SMIM7: variants seen among roughly 807,000 people sequenced by gnomAD.
SMIM7 encodes small integral membrane protein 7, also known as UPF0608 protein C19orf42.
A neutral mutation model predicts 13.3 loss-of-function variants in SMIM7; 12 were observed. The observed-to-expected ratio is 0.90, with a 90% CI of 0.58 to 1.46. The LOEUF is 1.46. Ranked by LOEUF, SMIM7 falls within the 40% of genes most tolerant of loss-of-function variation. The probability of loss-of-function intolerance (pLI) is 0.00; values close to 1 mark genes in which losing one functional copy is unlikely to be tolerated. For missense variants in SMIM7, 114 were observed against 94.8 expected (o/e 1.20, Z -0.84); for synonymous variants, 36 against 35.8 (o/e 1.01, Z -0.02).
intron 4 of SMIM7, among the ~76,000 whole-genome samples, chr19:16,633,588 C>T (rs1328570075): frequency 6.6e-6 from 1 of 151,794 alleles, no homozygotes; most frequent in Non-Finnish European, 1.5e-5. Flanking sequence ...CTGTATTGAG[C>T]TGGGCACAGT....
At chr19:16,641,876 C>T (rs889902522), downstream of SMIM7, among the ~76,000 whole-genome samples, 14 of 152,164 alleles carry the variant, frequency 9.2e-5, no homozygotes, top group African/African-American at 2.9e-4. Flanking sequence ...CCACCGCACC[C>T]GGCTCCAATA....
chr19:16,637,684 C>T (rs965838327), intron 4 of SMIM7, among the ~76,000 whole-genome samples: 1 of 152,136 alleles, frequency 6.6e-6, no homozygotes, highest in African/African-American at 2.4e-5. Flanking sequence ...GAGACAGAGC[C>T]CATCACAGAA....
rs772745495 is a variant in SMIM7, at chr19:16,660,121, G to C, written c.-11C>G. ...GATGTCTCCGATCATCGTTACGGCC[G>C]AAGCGTCCGTCAGAACCGGAAGCGG... On this transcript the variant is annotated 5_prime_UTR_variant, in exon 1 of 5. Coordinates refer to ENST00000487416, the MANE Select transcript of SMIM7 (RefSeq NM_024104.4). 1 of 1,614,074 alleles carries C rather than the reference G, an allele frequency of 6.2e-7. No homozygotes were observed. The highest frequency in any genetic ancestry group is 1.1e-5 in the South Asian group (1 of 91,064).
At chr19:16,653,048 G>T in intron 4 of SMIM7, 3 of 1,445,058 alleles carry the variant, frequency 2.1e-6, no homozygotes, top group South Asian at 2.5e-5. Flanking sequence ...AGCAGGATCT[G>T]GCAGTGTGCT....
In SMIM7 at chr19:16,658,120, C is replaced by T. The variant is rs1393673719; in HGVS notation, c.121+1275G>A. Reference sequence around the variant, plus strand: ...GCATCCACCGCCTTGACTGTGACGCCGCCTCCTCAAATGGCCTTCCCTTCC... The same window carrying T: ...GCATCCACCGCCTTGACTGTGACGCTGCCTCCTCAAATGGCCTTCCCTTCC... On this transcript the variant is annotated intron_variant, in intron 3 of 4. Transcript: ENST00000487416. 3.9e-5 allele frequency among the ~76,000 whole-genome samples: 6 copies of T among 152,300 alleles called. No individual in the cohort carries two copies. In the East Asian group the frequency reaches 9.7e-4, roughly 25 times the overall value.
chr19:16,648,821 A>G (rs1035434552), intron 4 of SMIM7, among the ~76,000 whole-genome samples: 1 of 151,748 alleles, frequency 6.6e-6, no homozygotes, highest in African/African-American at 2.4e-5. Context: ...AGCCTGGGCA[A>G]CATAGCGAAA....
intron 4 of SMIM7, chr19:16,653,819 T>A: frequency 1.9e-6 from 1 of 538,386 alleles, no homozygotes; most frequent in Non-Finnish European, 3.3e-6. Context: ...CGCTTAGACC[T>A]AAGAGGCCGA....
At chr19:16,659,043 G>A (rs1490614126) in intron 3 of SMIM7, 5 of 317,018 alleles carry the variant, frequency 1.6e-5, no homozygotes, top group Admixed American at 4.6e-5. Flanking sequence ...CCAGCTCTTC[G>A]GGAGGCCAAG....
At chr19:16,643,657 A>G (rs529412554), downstream of SMIM7, among the ~76,000 whole-genome samples, 2 of 152,270 alleles carry the variant, frequency 1.3e-5, no homozygotes, top group Admixed American at 6.5e-5. Context: ...TCAGCCTCCT[A>G]AAGTGCTGGG....
downstream of SMIM7, among the ~76,000 whole-genome samples, chr19:16,641,977 G>C (rs2086407386): frequency 6.6e-6 from 1 of 152,170 alleles, no homozygotes; most frequent in African/African-American, 2.4e-5. Context: ...GTACATGAAG[G>C]GCAATGAGAA....
Position 16,647,056 on chromosome 19 carries a change from A to G in SMIM7, c.*190T>C. The G allele has an allele frequency of 1.5e-6, 1 of 682,760 alleles. No individual in the cohort carries two copies. Among genetic ancestry groups the G allele is most frequent in the Middle Eastern group, 3.5e-4 (1 of 2,850 alleles). 42.3% of individuals were successfully genotyped at this position (682,760 alleles called of 1,614,324 possible). A position where few individuals can be genotyped will look rare whatever the true frequency, so the allele number is the denominator to read the frequency against. Reference sequence around the variant, plus strand: ...TCAATTCAGAGACCAAAGTGAAACTATCTTTGAAAACAGGGACGTGGCTGG... The same window carrying G: ...TCAATTCAGAGACCAAAGTGAAACTGTCTTTGAAAACAGGGACGTGGCTGG... On this transcript the variant is annotated 3_prime_UTR_variant, in exon 5 of 5. Coordinates refer to ENST00000487416, the MANE Select transcript of SMIM7 (RefSeq NM_024104.4).
intron 3 of SMIM7, chr19:16,659,103 A>G (rs1805096399): frequency 4.5e-6 from 2 of 447,714 alleles, no homozygotes; most frequent in East Asian, 4.4e-5. Context: ...GGCAACGTGG[A>G]GAAACCCCAT....
At chr19:16,656,537 G>A (rs946238484) in intron 3 of SMIM7, among the ~76,000 whole-genome samples, 33 of 152,082 alleles carry the variant, frequency 2.2e-4, no homozygotes, top group African/African-American at 8.0e-4. Flanking sequence ...GAAAGTTTGG[G>A]TGTCCTGGGA....
At chr19:16,636,966 A>G (rs1282907194) in intron 4 of SMIM7, among the ~76,000 whole-genome samples, 1 of 152,220 alleles carries the variant, frequency 6.6e-6, no homozygotes, top group Non-Finnish European at 1.5e-5. Flanking sequence ...AAATATAAAG[A>G]AAGAAAATTT....
downstream of SMIM7, among the ~76,000 whole-genome samples, chr19:16,644,370 C>T (rs1415845892): frequency 6.6e-6 from 1 of 151,532 alleles, no homozygotes; most frequent in African/African-American, 2.4e-5. Context: ...GACCTGCCCA[C>T]TTTGGCCTCC....
At position 16,646,149 on chromosome 19, in the gene SMIM7, C is replaced by A. The variant is rs996858513; in HGVS notation, c.*1097G>T. On this transcript the variant is annotated 3_prime_UTR_variant, in exon 5 of 5. Transcript: ENST00000487416. The stretch of plus-strand genomic sequence containing the variant: ...AAAAAAAAAAGTATAAACAAAAGGT[C>A]CTTTTTAGAAATGAGGTTTATTTTC... 3.9e-5 allele frequency: 6 copies of A among 151,944 alleles called. No individual in the cohort carries two copies. The highest frequency in any genetic ancestry group is 7.4e-5 in the Non-Finnish European group (5 of 67,990). 9.4% of individuals were successfully genotyped at this position (151,944 alleles called of 1,614,324 possible). A position where few individuals can be genotyped will look rare whatever the true frequency, so the allele number is the denominator to read the frequency against.
At chr19:16,658,932 T>C (rs934019534) in intron 3 of SMIM7, among the ~76,000 whole-genome samples, 1 of 151,818 alleles carries the variant, frequency 6.6e-6, no homozygotes, top group African/African-American at 2.4e-5. Context: ...GAGAAAGAAA[T>C]AGATGACAGA....
chr19:16,639,768 G>T (rs2086392002), intron 4 of SMIM7, among the ~76,000 whole-genome samples: 2 of 151,984 alleles, frequency 1.3e-5, no homozygotes, highest in South Asian at 4.2e-4. Flanking sequence ...TTTTTATAAG[G>T]GGCATCCACT....
chr19:16,638,411 T>C (rs578226831), intron 4 of SMIM7, among the ~76,000 whole-genome samples: 1 of 151,384 alleles, frequency 6.6e-6, no homozygotes, highest in East Asian at 2.0e-4. Flanking sequence ...TCAGGTGATT[T>C]TCCTGCCTCA....
Sources: allele counts gnomAD v4.1 joint callset (sites outside exome capture counted in the v4.1 genomes callset), GRCh38; gene constraint gnomAD v4.1.1; transcripts MANE v1.5; gene names NCBI Gene and HGNC (gene_info 2026-07-23, HGNC 2026-07-21).